The following CNTNAP2 variants were observed in gnomAD, a reference collection of about 807,000 sequenced individuals.
CNTNAP2 encodes the protein contactin-associated protein-like 2.
In CNTNAP2, 98 loss-of-function variants were observed where a neutral mutation model predicts 155.2. The ratio of observed to expected loss-of-function variants is 0.63; its 90% CI spans 0.54 to 0.75. The LOEUF (loss-of-function observed/expected upper bound fraction) is 0.75. Ranked by LOEUF, CNTNAP2 falls within the 30% of genes least tolerant of loss-of-function variation. The probability of loss-of-function intolerance (pLI) is 0.00; values close to 1 mark genes in which losing one functional copy is unlikely to be tolerated. For missense variants in CNTNAP2, 1,727 were observed against 1,688.1 expected, an observed-to-expected ratio of 1.02 and a Z score of -0.40; for synonymous variants, 651 against 631.2, an observed-to-expected ratio of 1.03 and a Z score of -0.47.
Position 148,412,607 on chromosome 7 carries a change from C to T in CNTNAP2, c.3797-2810C>T, listed in dbSNP as rs57251920. ...GTTCTAATAACTTTTTTTGTATATT[C>T]CTCAGAATTGTCTACCTAGACAAGC... On this transcript the variant is annotated intron_variant, in intron 23 of 23. Coordinates refer to ENST00000361727, the MANE Select transcript of CNTNAP2 (RefSeq NM_014141.6). Among the ~76,000 whole-genome samples the T allele has an allele frequency of 8.7e-3, 1,322 of 152,198 alleles. 15 individuals carry two copies. Among genetic ancestry groups the T allele is most frequent in the African/African-American group, 0.029 (1,192 of 41,538 alleles).
chr7:146,615,115 A>G (rs1278113249), intron 1 of CNTNAP2, among the ~76,000 whole-genome samples: 1 of 152,222 alleles, frequency 6.6e-6, no homozygotes, highest in Non-Finnish European at 1.5e-5. Flanking sequence ...AAATAATGAA[A>G]TTGTATCCTC....
chr7:147,940,397 A>C (rs1563142083), intron 14 of CNTNAP2: 1 of 152,060 alleles, frequency 6.6e-6, no homozygotes, highest in African/African-American at 2.4e-5. Flanking sequence ...CACAGGAGGA[A>C]AAAATAAAAA....
chr7:146,436,797 T>G (rs1420959320), intron 1 of CNTNAP2, among the ~76,000 whole-genome samples: 1 of 151,642 alleles, frequency 6.6e-6, no homozygotes, highest in African/African-American at 2.4e-5. Flanking sequence ...CTATGGAACA[T>G]TAACTATAAA....
intron 1 of CNTNAP2, among the ~76,000 whole-genome samples, chr7:146,371,917 C>G (rs1214010152): frequency 1.5e-4 from 23 of 150,766 alleles, no homozygotes; most frequent in Admixed American, 1.4e-3. Flanking sequence ...CAAGATCGCG[C>G]CACTGCACTC....
intron 3 of CNTNAP2, among the ~76,000 whole-genome samples, chr7:146,845,731 C>T (rs1379384706): frequency 6.6e-6 from 1 of 152,132 alleles, no homozygotes; most frequent in African/African-American, 2.4e-5. Context: ...GTATGCAAAT[C>T]TCTGTCATAA....
At position 146,558,247 on chromosome 7, in the gene CNTNAP2, G is replaced by T. The variant is rs530150265; in HGVS notation, c.98-216024G>T. Among the ~76,000 whole-genome samples, 6 of 152,140 alleles carry T rather than the reference G, an allele frequency of 3.9e-5. No individual in the cohort carries two copies. In the East Asian group the frequency reaches 1.2e-3, roughly 29 times the overall value. On this transcript the variant is annotated intron_variant, in intron 1 of 23. Coordinates refer to ENST00000361727, the MANE Select transcript of CNTNAP2 (RefSeq NM_014141.6). ...GGGACATGTTGTGCACATGACAGAGGCCCCACGTGGTATCTTAGCAAGTCC... is the reference window on the plus strand; with the variant it reads ...GGGACATGTTGTGCACATGACAGAGTCCCCACGTGGTATCTTAGCAAGTCC...
intron 13 of CNTNAP2, among the ~76,000 whole-genome samples, chr7:147,740,494 A>C (rs1796939593): frequency 6.6e-6 from 1 of 152,192 alleles, no homozygotes; most frequent in Non-Finnish European, 1.5e-5. Flanking sequence ...TTATAAAAAA[A>C]TTGTCAGATG....
At chr7:148,294,039 CAAAAAAAAAAAAA>C (rs10607772) in intron 21 of CNTNAP2, among the ~76,000 whole-genome samples, 13 of 70,042 alleles carry the variant, frequency 1.9e-4, no homozygotes, top group African/African-American at 6.6e-4. Context: ...GGCTCCATCT[CAAAAAAAAAAAAA>C]AAAAAAAAAA....
intron 1 of CNTNAP2, among the ~76,000 whole-genome samples, chr7:146,233,446 A>G (rs2116917043): frequency 6.7e-6 from 1 of 148,212 alleles, no homozygotes; most frequent in South Asian, 2.2e-4. Flanking sequence ...AAGCCTTTTC[A>G]GAATATACTC....
chr7:147,860,413 GACTCCGTCTCAACAACAACAAAAAAA>G (rs1563114407), intron 13 of CNTNAP2, among the ~76,000 whole-genome samples: 1 of 151,982 alleles, frequency 6.6e-6, no homozygotes, highest in Non-Finnish European at 1.5e-5. Flanking sequence ...AACAGAGTGA[GACTCCGTCTCAACAACAACAAAAAAA>G]ATTAGCCATG....
At chr7:148,130,932 C>T (rs1347998764) in intron 16 of CNTNAP2, among the ~76,000 whole-genome samples, 1 of 152,068 alleles carries the variant, frequency 6.6e-6, no homozygotes, top group Non-Finnish European at 1.5e-5. Context: ...TAGCAGGAAT[C>T]CTCATTAGTC....
At chr7:146,499,519 T>A (rs1797269238) in intron 1 of CNTNAP2, among the ~76,000 whole-genome samples, 1 of 152,176 alleles carries the variant, frequency 6.6e-6, no homozygotes, top group East Asian at 1.9e-4. Context: ...TGCCCCAACA[T>A]TTTGACTATT....
In CNTNAP2 at chr7:146,730,563, T is replaced by A. The variant is rs191593750; in HGVS notation, c.98-43708T>A. 1.6e-3 allele frequency among the ~76,000 whole-genome samples: 247 copies of A among 152,322 alleles called. 1 individual carries two copies. The highest frequency in any genetic ancestry group is 5.7e-3 in the African/African-American group (235 of 41,590). ...CTACCCCCTTTTATTTTCTTTTACC[T>A]GATTCATTTCTTATTTATAACTAAT... On this transcript the variant is annotated intron_variant, in intron 1 of 23. Transcript: ENST00000361727.
At chr7:147,796,226 T>A (rs1797891472) in intron 13 of CNTNAP2, among the ~76,000 whole-genome samples, 1 of 152,200 alleles carries the variant, frequency 6.6e-6, no homozygotes, top group Non-Finnish European at 1.5e-5. Context: ...AGCAAATCCA[T>A]TATCCATTGA....
chr7:148,391,333 G>GGGCAGTAGA (rs1311756770), intron 22 of CNTNAP2, among the ~76,000 whole-genome samples: 11 of 146,428 alleles, frequency 7.5e-5, no homozygotes, highest in Non-Finnish European at 1.6e-4. Flanking sequence ...GGGAAACACT[G>GGGCAGTAGA]GGCAGTAGAG....
At chr7:146,789,222 C>T (rs903011161) in intron 2 of CNTNAP2, among the ~76,000 whole-genome samples, 1 of 152,128 alleles carries the variant, frequency 6.6e-6, no homozygotes, top group Admixed American at 6.5e-5. Context: ...CAAAATAATT[C>T]ACTATTCTGT....
chr7:146,436,970 A>G (rs1796252081), intron 1 of CNTNAP2, among the ~76,000 whole-genome samples: 2 of 151,440 alleles, frequency 1.3e-5, no homozygotes, highest in African/African-American at 4.9e-5. Flanking sequence ...ATTCTAAACC[A>G]TGGGTCCCCA....
intron 14 of CNTNAP2, among the ~76,000 whole-genome samples, chr7:147,909,038 A>G (rs1043897177): frequency 1.3e-5 from 2 of 152,210 alleles, no homozygotes; most frequent in African/African-American, 2.4e-5. Context: ...TATTATTTTT[A>G]TTATTATTTG....
intron 1 of CNTNAP2, among the ~76,000 whole-genome samples, chr7:146,644,833 T>C (rs1799781932): frequency 6.6e-6 from 1 of 152,116 alleles, no homozygotes; most frequent in Non-Finnish European, 1.5e-5. Context: ...ATTGTGGCAA[T>C]AATCAGTAGC....
Sources: gnomAD v4.1 joint callset for allele counts (sites outside exome capture counted in the v4.1 genomes callset) on GRCh38, gnomAD v4.1.1 for gene constraint, MANE v1.5 for transcripts, NCBI Gene and HGNC (gene_info 2026-07-23, HGNC 2026-07-21) for gene names.